Variants in RPTOR observed in about 807,000 individuals in gnomAD.
The protein encoded by RPTOR is regulatory-associated protein of mTOR.
RPTOR carries 21 observed loss-of-function variants against 169.9 expected under a neutral mutation model. The ratio of observed to expected loss-of-function variants is 0.12; its 90% CI spans 0.09 to 0.18. The LOEUF (loss-of-function observed/expected upper bound fraction) is 0.18. Ranked by LOEUF, RPTOR falls within the 10% of genes least tolerant of loss-of-function variation. The pLI is 1.00. For synonymous variants in RPTOR, 732 were observed against 753.2 expected (o/e 0.97, Z 0.46); for missense variants, 1,133 against 1,855.9 (o/e 0.61, Z 7.16).
chr17:80,694,423 C>T (rs961607308), intron 3 of RPTOR, among the ~76,000 whole-genome samples: 5 of 152,376 alleles, frequency 3.3e-5, no homozygotes, highest in African/African-American at 7.2e-5. Context: ...GGTCGGCCTC[C>T]ACAGTCGCAC....
chr17:80,917,575 A>G (rs1035948332), intron 21 of RPTOR, among the ~76,000 whole-genome samples: 2 of 152,202 alleles, frequency 1.3e-5, no homozygotes, highest in Non-Finnish European at 2.9e-5. Context: ...CATGTTTGCA[A>G]TTAACCTCTA....
chr17:80,583,088 C>T (rs2065028964), intron 1 of RPTOR, among the ~76,000 whole-genome samples: 1 of 150,684 alleles, frequency 6.6e-6, no homozygotes, highest in Non-Finnish European at 1.5e-5. Context: ...GCTAAATATT[C>T]TCAGTTATAC....
chr17:80,643,603 G>A (rs55693521), intron 2 of RPTOR, 125 bp from the exon 3 acceptor site: 45,047 of 658,880 alleles, frequency 0.068, 1,810 homozygotes, highest in Non-Finnish European at 0.084. Context: ...AACCTTAGGC[G>A]TTGTGTTACT....
chr17:80,643,977 A>G (rs536823025), intron 3 of RPTOR, among the ~76,000 whole-genome samples, 167 bp downstream of exon 3: 5 of 152,358 alleles, frequency 3.3e-5, no homozygotes, highest in South Asian at 2.1e-4. Context: ...CCTGCTGGCT[A>G]TTGGTGGCTG....
intron 5 of RPTOR, among the ~76,000 whole-genome samples, chr17:80,750,599 G>T (rs1410145120): frequency 1.1e-4 from 17 of 152,190 alleles, no homozygotes; most frequent in Admixed American, 9.2e-4. Flanking sequence ...CTGTTGTGAC[G>T]CGGGTCTGAG....
chr17:80,581,332 G>A (rs2065011243), intron 1 of RPTOR, among the ~76,000 whole-genome samples: 1 of 151,944 alleles, frequency 6.6e-6, no homozygotes, highest in Non-Finnish European at 1.5e-5. Context: ...CATCAATTGC[G>A]TAAATGCAGG....
In RPTOR at chr17:80,754,844, C is replaced by T. The variant is rs192705134; in HGVS notation, c.830+659C>T. ...ATGTTTTGCTGAAAAGCTTATATGTCGTGGCTGTTACCGGCTAGTAGATAA... is the reference window on the plus strand; with the variant it reads ...ATGTTTTGCTGAAAAGCTTATATGTTGTGGCTGTTACCGGCTAGTAGATAA... On this transcript the variant is annotated intron_variant, in intron 6 of 33. Transcript: ENST00000306801. The surrounding 1 kb of genome is among the most constrained non-coding windows in gnomAD (Gnocchi z 4.2). 3.9e-3 allele frequency among the ~76,000 whole-genome samples: 587 copies of T among 152,280 alleles called. 1 individual carries two copies. Among genetic ancestry groups the T allele is most frequent in the Non-Finnish European group, 5.5e-3 (374 of 68,022 alleles).
intron 9 of RPTOR, among the ~76,000 whole-genome samples, chr17:80,826,081 T>C (rs547402452): frequency 6.6e-6 from 1 of 152,186 alleles, no homozygotes; most frequent in East Asian, 1.9e-4. Context: ...TCTGCGTTGG[T>C]TGTCAGACAT....
chr17:80,912,678 A>G (rs866387383), intron 21 of RPTOR, among the ~76,000 whole-genome samples: 2 of 152,144 alleles, frequency 1.3e-5, no homozygotes, highest in African/African-American at 2.4e-5. Context: ...TGTGTGTGAC[A>G]TGTAGTGTAG....
At chr17:80,669,761 A>G (rs1485329) in intron 3 of RPTOR, among the ~76,000 whole-genome samples, 53,059 of 152,160 alleles carry the variant, frequency 0.35, 9,513 homozygotes, top group African/African-American at 0.42. Context: ...ATGGAGGGAC[A>G]ATCTTCTGCA....
At chr17:80,582,787 G>C (rs963801213) in intron 1 of RPTOR, among the ~76,000 whole-genome samples, 3 of 151,572 alleles carry the variant, frequency 2.0e-5, no homozygotes, top group African/African-American at 4.8e-5. Flanking sequence ...CTCGTGATCC[G>C]CCCGCCTCAG....
Position 80,643,818 on chromosome 17 carries a change from T to C in RPTOR, c.348+8T>C. On this transcript the variant is annotated splice_region_variant and intron_variant, in intron 3 of 33. Transcript: ENST00000306801. ...GAGAACTGGCAGCCAAGGGTAAGTG[T>C]GCTTCACTTGCTCTTCCCTTTCCTT... The C allele has an allele frequency of 3.1e-6, 5 of 1,599,460 alleles. No individual in the cohort carries two copies. The highest frequency in any genetic ancestry group is 4.3e-6 in the Non-Finnish European group (5 of 1,167,528).
intron 6 of RPTOR, among the ~76,000 whole-genome samples, chr17:80,770,735 G>A (rs902199923): frequency 2.0e-5 from 3 of 152,144 alleles, no homozygotes; most frequent in African/African-American, 2.4e-5. Context: ...CGCCTCAAAC[G>A]CTTCCTGTCT....
chr17:80,654,891 A>G (rs1214666208), intron 3 of RPTOR, among the ~76,000 whole-genome samples: 1 of 152,230 alleles, frequency 6.6e-6, no homozygotes, highest in Non-Finnish European at 1.5e-5. Flanking sequence ...ATAATTTTCT[A>G]GGAAAATATA....
rs2065250214 is a variant in RPTOR at position 80,609,242 on chromosome 17, T to C, written c.163-16449T>C. Among the ~76,000 whole-genome samples the C allele has an allele frequency of 6.6e-6, 1 of 152,188 alleles. No homozygotes were observed. Among genetic ancestry groups the C allele is most frequent in the South Asian group, 2.1e-4 (1 of 4,834 alleles). On this transcript the variant is annotated intron_variant, in intron 1 of 33. Transcript: ENST00000306801. This position sits in a 1 kb window ranked among gnomAD's most constrained non-coding sequence, Gnocchi z 4.8. ...CTCTCAGGCCCACAGAATTCTGCAC[T>C]GTGAGCAGCGCAGGTCGGAAGAGGC...
intron 3 of RPTOR, among the ~76,000 whole-genome samples, chr17:80,700,724 G>GA (rs2066088534): frequency 2.9e-4 from 6 of 20,502 alleles, no homozygotes; most frequent in African/African-American, 4.9e-4. Context: ...GGTGGTGGTG[G>GA]TGGTGATGAT....
At chr17:80,700,317 A>C (rs557952732) in intron 3 of RPTOR, among the ~76,000 whole-genome samples, 2 of 152,260 alleles carry the variant, frequency 1.3e-5, no homozygotes, top group South Asian at 2.1e-4. Context: ...ATTTGGAGTG[A>C]AACAAGGCTG....
chr17:80,956,660 C>T (rs1266255946), intron 28 of RPTOR, among the ~76,000 whole-genome samples: 1 of 152,282 alleles, frequency 6.6e-6, no homozygotes, highest in East Asian at 1.9e-4. Context: ...CGGCAGGCAT[C>T]TTAGACGTCG....
At chr17:80,761,311 T>C (rs2066734258) in intron 6 of RPTOR, among the ~76,000 whole-genome samples, 1 of 152,254 alleles carries the variant, frequency 6.6e-6, no homozygotes, top group Non-Finnish European at 1.5e-5. Flanking sequence ...GTATTGTCTA[T>C]TAATGAAAAT....
Sources: gnomAD v4.1 joint callset for allele counts (sites outside exome capture counted in the v4.1 genomes callset) on GRCh38, gnomAD v4.1.1 for gene constraint, Gnocchi (gnomAD v3.1) non-coding constraint, MANE v1.5 for transcripts, NCBI Gene and HGNC (gene_info 2026-07-23, HGNC 2026-07-21) for gene names.